CABIN1: variants seen among roughly 807,000 people sequenced by gnomAD.
The protein encoded by CABIN1 is calcineurin binding protein 1.
A neutral mutation model predicts 227.7 loss-of-function variants in CABIN1; 133 were observed. The ratio of observed to expected loss-of-function variants is 0.58; its 90% confidence interval spans 0.51 to 0.67. CABIN1 has a LOEUF of 0.67. CABIN1 is among the 30% of genes least tolerant of loss of function. The probability of loss-of-function intolerance (pLI) is 0.00; values close to 1 mark genes in which losing one functional copy is unlikely to be tolerated. For synonymous variants in CABIN1, 1,086 were observed against 1,155.1 expected, an observed-to-expected ratio of 0.94 and a Z score of 1.21; for missense variants, 2,408 against 2,852.5, an observed-to-expected ratio of 0.84 and a Z score of 3.55.
chr22:24,162,781 AGT>A (rs2046231713), intron 29 of CABIN1, among the ~76,000 whole-genome samples: 1 of 152,238 alleles, frequency 6.6e-6, no homozygotes, highest in Admixed American at 6.5e-5. Context: ...TGAAATCAGC[AGT>A]GTTATGTTAC....
At chr22:24,096,607 A>G (rs2041909156) in intron 25 of CABIN1, among the ~76,000 whole-genome samples, 1 of 152,102 alleles carries the variant, frequency 6.6e-6, no homozygotes, top group South Asian at 2.1e-4. Flanking sequence ...TGTGGTTGTA[A>G]GTCATCTCCA....
intron 1 of CABIN1, among the ~76,000 whole-genome samples, chr22:24,029,571 G>A (rs1489129478): frequency 6.6e-6 from 1 of 151,632 alleles, no homozygotes; most frequent in Non-Finnish European, 1.5e-5. Context: ...AAAAAAAAAT[G>A]GTAGTTGCTA....
chr22:24,123,656 G>GAC (rs2043548394), intron 28 of CABIN1, among the ~76,000 whole-genome samples: 1 of 152,230 alleles, frequency 6.6e-6, no homozygotes, highest in South Asian at 2.1e-4. Flanking sequence ...TGTCAGCTCT[G>GAC]CTGGCAGCAG....
rs574340620 is a variant in CABIN1 at position 24,172,641 on chromosome 22, GT to G, written c.6040+648del. ...GCTGGCCTCATCGGTGAAAGCTCCT[GT>G]TCCTTCTAAAACCCAGGATCCATTG... On this transcript the variant is annotated intron_variant, in intron 34 of 36. Coordinates refer to ENST00000263119, the MANE Select transcript of CABIN1 (RefSeq NM_012295.4). Among the ~76,000 whole-genome samples the G allele has an allele frequency of 1.4e-4, 21 of 152,340 alleles. 1 individual carries two copies. The South Asian group carries it at 3.5e-3, about 26-fold the overall frequency.
chr22:24,114,953 A>G (rs1335858578), intron 27 of CABIN1, among the ~76,000 whole-genome samples: 1 of 152,216 alleles, frequency 6.6e-6, no homozygotes, highest in African/African-American at 2.4e-5. Context: ...GTCCTCATCA[A>G]GAGATGAGGC....
At chr22:24,133,265 A>C (rs1227607210) in intron 28 of CABIN1, among the ~76,000 whole-genome samples, 1 of 152,228 alleles carries the variant, frequency 6.6e-6, no homozygotes, top group Non-Finnish European at 1.5e-5. Context: ...GCTTAGAGGC[A>C]GGCTAGCATG....
chr22:24,172,147 A>C lies in CABIN1; in HGVS notation c.6040+152A>C, dbSNP rs1040306176. 23 of 891,992 alleles carry C rather than the reference A, an allele frequency of 2.6e-5. No individual in the cohort carries two copies. In the Admixed American group the frequency reaches 2.6e-4, roughly 10 times the overall value. The allele number at this position is 891,992 out of a possible 1,614,324, so 55.3% of individuals were successfully genotyped here. A position where few individuals can be genotyped will look rare whatever the true frequency, so the allele number is the denominator to read the frequency against. ...TGGCGGGGCAGGTGACCGCGGGTCCACTCACCAGTCACTGGCAGCCTCGGT... is the reference window on the plus strand; with the variant it reads ...TGGCGGGGCAGGTGACCGCGGGTCCCCTCACCAGTCACTGGCAGCCTCGGT... On this transcript the variant is annotated intron_variant, in intron 34 of 36. Coordinates refer to ENST00000263119, the MANE Select transcript of CABIN1 (RefSeq NM_012295.4).
Position 24,177,191 on chromosome 22 carries a change from T to C in CABIN1, c.6206-313T>C, listed in dbSNP as rs983758076. ...TAGGATGGTTGTGGAAATACGACAG[T>C]TCATGCAAGCATGATGCCTGGAGGT... On this transcript the variant is annotated intron_variant, in intron 35 of 36. Transcript: ENST00000263119. This position sits in a 1 kb window ranked among gnomAD's most constrained non-coding sequence, Gnocchi z 4.4. 1.3e-5 allele frequency among the ~76,000 whole-genome samples: 2 copies of C among 152,310 alleles called. No individual in the cohort carries two copies. Among genetic ancestry groups the C allele is most frequent in the Admixed American group, 6.5e-5 (1 of 15,304 alleles).
chr22:24,077,074 A>G (rs2040493006), intron 19 of CABIN1, among the ~76,000 whole-genome samples: 1 of 152,210 alleles, frequency 6.6e-6, no homozygotes, highest in African/African-American at 2.4e-5. Flanking sequence ...AAAGTCTAAA[A>G]TACTTAGTAT....
chr22:24,167,443 C>T, intron 32 of CABIN1, 130 bp downstream of exon 32: 1 of 757,190 alleles, frequency 1.3e-6, no homozygotes. Context: ...CCACACCATC[C>T]CTGCTGTTCA....
rs369932933 is a variant in CABIN1, at chr22:24,177,665, C to A, written c.6367C>A (p.Arg2123=). The A allele has an allele frequency of 6.2e-7, 1 of 1,613,856 alleles. No individual in the cohort carries two copies. Among genetic ancestry groups the A allele is most frequent in the Non-Finnish European group, 8.5e-7 (1 of 1,179,908 alleles). Residue 2123 remains arginine (R), a synonymous_variant, in exon 36 of 37, where the codon CGG becomes AGG. Coordinates refer to ENST00000263119, the MANE Select transcript of CABIN1 (RefSeq NM_012295.4). The surrounding 1 kb of genome is among the most constrained non-coding windows in gnomAD (Gnocchi z 4.4). ...TCACCCAGGCAAGCCTGAGCCCAGCCGGGCTAAGTCCCGCCCCCTGCCCAA... is the reference window on the plus strand; with the variant it reads ...TCACCCAGGCAAGCCTGAGCCCAGCAGGGCTAAGTCCCGCCCCCTGCCCAA... The part of the protein sequence containing the change: ...EGHPGKPEPS[R]AKSRPLPNMP...
At chr22:24,100,290 T>G (rs1367878666) in intron 26 of CABIN1, among the ~76,000 whole-genome samples, 2 of 152,230 alleles carry the variant, frequency 1.3e-5, no homozygotes, top group African/African-American at 4.8e-5. Flanking sequence ...AGAACTCAGC[T>G]GCCTCACCTC....
intron 29 of CABIN1, among the ~76,000 whole-genome samples, chr22:24,145,605 C>T (rs940976700): frequency 6.6e-6 from 1 of 152,170 alleles, no homozygotes; most frequent in Admixed American, 6.5e-5. Flanking sequence ...CTCTGATGCT[C>T]AGATCTGTCG....
chr22:24,088,249 G>A (rs2147148839), intron 23 of CABIN1, among the ~76,000 whole-genome samples: 1 of 152,290 alleles, frequency 6.6e-6, no homozygotes, highest in Middle Eastern at 3.4e-3. Flanking sequence ...CAGTAGCACT[G>A]CACCCTAGAG....
chr22:24,168,348 C>G lies in CABIN1; in HGVS notation c.5683-99C>G, dbSNP rs2046579827. On this transcript the variant is annotated intron_variant, in intron 32 of 36. Coordinates refer to ENST00000263119, the MANE Select transcript of CABIN1 (RefSeq NM_012295.4). ...GGGGCACCCGAGCCACAGGGCATGCCCCCTACCTAGGCTGGTCTGTGCTAC... is the reference window on the plus strand; with the variant it reads ...GGGGCACCCGAGCCACAGGGCATGCGCCCTACCTAGGCTGGTCTGTGCTAC... 3.3e-6 allele frequency: 4 copies of G among 1,212,680 alleles called. No individual in the cohort carries two copies. In the African/African-American group the frequency reaches 4.5e-5, roughly 14 times the overall value. 75.1% of individuals were successfully genotyped at this position (1,212,680 alleles called of 1,614,324 possible). A position where few individuals can be genotyped will look rare whatever the true frequency, so the allele number is the denominator to read the frequency against.
intron 27 of CABIN1, among the ~76,000 whole-genome samples, chr22:24,116,422 C>T (rs1421635806): frequency 6.6e-6 from 1 of 152,188 alleles, no homozygotes; most frequent in Middle Eastern, 3.2e-3. Context: ...CAACTAGAGG[C>T]CTAGTGACAA....
intron 29 of CABIN1, among the ~76,000 whole-genome samples, chr22:24,158,859 A>G (rs1285267271): frequency 6.6e-6 from 1 of 152,184 alleles, no homozygotes; most frequent in Admixed American, 6.5e-5. Context: ...ACTCAGGGGT[A>G]GCCTGGATGT....
At chr22:24,112,622 C>T (rs1178681699) in intron 26 of CABIN1, among the ~76,000 whole-genome samples, 1 of 152,112 alleles carries the variant, frequency 6.6e-6, no homozygotes, top group African/African-American at 2.4e-5. Flanking sequence ...GTCTTGGTCC[C>T]AGCCTCAGAC....
chr22:24,130,390 G>C (rs1046610724), intron 28 of CABIN1, among the ~76,000 whole-genome samples: 8 of 152,188 alleles, frequency 5.3e-5, no homozygotes, highest in Admixed American at 4.6e-4. Flanking sequence ...GCCTGGACCA[G>C]AGTCCAGGGA....
Sources: allele counts gnomAD v4.1 joint callset (sites outside exome capture counted in the v4.1 genomes callset), GRCh38; gene constraint gnomAD v4.1.1; non-coding constraint Gnocchi (gnomAD v3.1); transcripts MANE v1.5; gene names NCBI Gene and HGNC (gene_info 2026-07-23, HGNC 2026-07-21).